The following PCDHGA6 variants were observed in gnomAD, a reference collection of about 807,000 sequenced individuals.
PCDHGA6 encodes the protein protocadherin gamma-A6.
In PCDHGA6, 41 loss-of-function variants were observed where a neutral mutation model predicts 60.6. The observed-to-expected ratio is 0.68, with a 90% CI of 0.53 to 0.88. PCDHGA6 has a LOEUF of 0.88. PCDHGA6 is among the 40% of genes least tolerant of loss of function. The pLI is 0.00. For synonymous variants in PCDHGA6, 594 were observed against 524.4 expected (o/e 1.13, Z -1.81); for missense variants, 1,312 against 1,203.0 (o/e 1.09, Z -1.34).
In PCDHGA6 at chr5:141,476,824, C is replaced by A; in HGVS notation, c.2425-17983C>A. On this transcript the variant is annotated intron_variant, in intron 1 of 3. Coordinates refer to ENST00000517434, the MANE Select transcript of PCDHGA6 (RefSeq NM_018919.3). This position sits in a 1 kb window ranked among gnomAD's most constrained non-coding sequence, Gnocchi z 7.6. Reference sequence around the variant, plus strand: ...TGCCTATTCACATCAAGGTGCTGGACGCGAATGACAATGCGCCTGTCTTCA... The same window carrying A: ...TGCCTATTCACATCAAGGTGCTGGAAGCGAATGACAATGCGCCTGTCTTCA... The A allele has an allele frequency of 1.2e-6, 2 of 1,613,588 alleles. No individual in the cohort carries two copies. The highest frequency in any genetic ancestry group is 1.7e-6 in the Non-Finnish European group (2 of 1,180,036).
Position 141,511,376 on chromosome 5 carries a change from G to C in PCDHGA6, c.*203G>C. ...CCAGGGGGTTGAATATGCAAAAGCA[G>C]TTCCGCTGGGAACCCCCATCCAATC... On this transcript the variant is annotated 3_prime_UTR_variant, in exon 4 of 4. Coordinates refer to ENST00000517434, the MANE Select transcript of PCDHGA6 (RefSeq NM_018919.3). 1 of 1,211,520 alleles carries C rather than the reference G, an allele frequency of 8.3e-7. No homozygotes were observed. The allele number at this position is 1,211,520 out of a possible 1,614,324, so 75.0% of individuals were successfully genotyped here.
chr5:141,461,088 G>A (rs2099008870), intron 1 of PCDHGA6, among the ~76,000 whole-genome samples: 1 of 151,800 alleles, frequency 6.6e-6, no homozygotes, highest in Non-Finnish European at 1.5e-5. Context: ...GAATTGTGCT[G>A]CTATAAACAT....
At chr5:141,383,865 A>C in intron 1 of PCDHGA6, 3 of 1,614,012 alleles carry the variant, frequency 1.9e-6, no homozygotes, top group Non-Finnish European at 2.5e-6. Context: ...TTCAGGCTCA[A>C]GATGGTCCTG....
At chr5:141,414,629 G>T in intron 1 of PCDHGA6, 1 of 1,614,000 alleles carries the variant, frequency 6.2e-7, no homozygotes. Context: ...GACCCGGACA[G>T]CAAAGAGAAT....
chr5:141,427,907 C>T, intron 1 of PCDHGA6: 1 of 1,575,688 alleles, frequency 6.3e-7, no homozygotes, highest in Non-Finnish European at 8.7e-7. Flanking sequence ...CCGCGCTCAG[C>T]GCCAACATGA....
At chr5:141,447,284 C>A (rs979564320) in intron 1 of PCDHGA6, among the ~76,000 whole-genome samples, 1 of 152,124 alleles carries the variant, frequency 6.6e-6, no homozygotes, top group African/African-American at 2.4e-5. Context: ...GGACTACAGG[C>A]ACATGCCACC....
chr5:141,468,039 A>G (rs1007212946), intron 1 of PCDHGA6, among the ~76,000 whole-genome samples: 21 of 152,262 alleles, frequency 1.4e-4, no homozygotes, highest in African/African-American at 5.1e-4. Context: ...CATTTAGAAA[A>G]CTAAGCCGGG....
intron 1 of PCDHGA6, chr5:141,475,820 C>G (rs890721743): frequency 1.1e-5 from 4 of 351,810 alleles, no homozygotes; most frequent in Non-Finnish European, 1.5e-5. Context: ...AAGTTCCTGG[C>G]GCTAGCGCGT....
rs1036126623 is a variant in PCDHGA6 at position 141,410,753 on chromosome 5, T to C, written c.2424+34246T>C. The stretch of plus-strand genomic sequence containing the variant: ...AGCTTTTTACAATATTTTCTCAATG[T>C]TTTTTCAATTATAGTTTTCACTATG... On this transcript the variant is annotated intron_variant, in intron 1 of 3. Coordinates refer to ENST00000517434, the MANE Select transcript of PCDHGA6 (RefSeq NM_018919.3). 2.4e-6 allele frequency: 3 copies of C among 1,229,812 alleles called. No homozygotes were observed. In the Admixed American group the frequency reaches 8.8e-5, roughly 36 times the overall value. The allele number at this position is 1,229,812 out of a possible 1,614,324, so 76.2% of individuals were successfully genotyped here. A position where few individuals can be genotyped will look rare whatever the true frequency, so the allele number is the denominator to read the frequency against.
In PCDHGA6 at chr5:141,454,796, A is replaced by ATTTT. The variant is rs61612330; in HGVS notation, c.2425-39985_2425-39982dup. Among the ~76,000 whole-genome samples, 123 of 77,452 alleles carry ATTTT rather than the reference A, an allele frequency of 1.6e-3. 16 individuals are homozygous for ATTTT. The highest frequency in any genetic ancestry group is 7.2e-3 in the South Asian group (14 of 1,958). 50.8% of individuals were successfully genotyped at this position (77,452 alleles called of 152,430 possible). On this transcript the variant is annotated intron_variant, in intron 1 of 3. Coordinates refer to ENST00000517434, the MANE Select transcript of PCDHGA6 (RefSeq NM_018919.3). ...AAGGAAATAATCCTCCATGGTTCTAATTTTTTTTTTTTTTTTTTTTTTTTT... is the reference window on the plus strand; with the variant it reads ...AAGGAAATAATCCTCCATGGTTCTAATTTTTTTTTTTTTTTTTTTTTTTTTTTTT...
At chr5:141,413,396 G>A in intron 1 of PCDHGA6, 1 of 1,614,060 alleles carries the variant, frequency 6.2e-7, no homozygotes, top group Non-Finnish European at 8.5e-7. Flanking sequence ...GTCTCCAGAG[G>A]TAGGACGCAG....
At chr5:141,455,360 A>C (rs2098820130) in intron 1 of PCDHGA6, among the ~76,000 whole-genome samples, 1 of 152,112 alleles carries the variant, frequency 6.6e-6, no homozygotes, top group Non-Finnish European at 1.5e-5. Context: ...TTAATAGGCA[A>C]GAAGGAAGGG....
At chr5:141,384,638 G>C in intron 1 of PCDHGA6, 1 of 1,614,188 alleles carries the variant, frequency 6.2e-7, no homozygotes, top group Non-Finnish European at 8.5e-7. Context: ...CTGGCACCCC[G>C]CTCCGCAGAG....
intron 3 of PCDHGA6, among the ~76,000 whole-genome samples, chr5:141,506,198 C>T (rs985517638): frequency 3.3e-5 from 5 of 152,156 alleles, no homozygotes; most frequent in Admixed American, 6.5e-5. Context: ...CGCCTGTAAT[C>T]CCAGCACTTT....
intron 1 of PCDHGA6, among the ~76,000 whole-genome samples, chr5:141,425,048 T>C (rs1590618422): frequency 6.6e-6 from 1 of 152,350 alleles, no homozygotes; most frequent in African/African-American, 2.4e-5. Flanking sequence ...AAACTGACTA[T>C]CTAGGGCTCG....
At chr5:141,379,313 A>G (rs1053297201) in intron 1 of PCDHGA6, 11 of 152,382 alleles carry the variant, frequency 7.2e-5, no homozygotes, top group Non-Finnish European at 1.5e-4. Flanking sequence ...CCTAAACAAG[A>G]GATCTAATCA....
intron 1 of PCDHGA6, among the ~76,000 whole-genome samples, chr5:141,447,978 C>T (rs759162070): frequency 1.1e-4 from 17 of 151,694 alleles, no homozygotes; most frequent in East Asian, 3.9e-4. Flanking sequence ...CCCAGCTACT[C>T]GGGAGGCTGA....
chr5:141,430,657 A>G (rs2097300740), intron 1 of PCDHGA6: 1 of 1,093,240 alleles, frequency 9.1e-7, no homozygotes, highest in African/African-American at 1.6e-5. Flanking sequence ...GAAACAACGG[A>G]GGAGCTCTGA....
intron 1 of PCDHGA6, chr5:141,398,054 A>C: frequency 1.3e-6 from 2 of 1,519,030 alleles, no homozygotes; most frequent in Non-Finnish European, 1.8e-6. Context: ...CGGAGATCCA[A>C]AAATCTACAA....
Sources: gnomAD v4.1 joint callset for allele counts (sites outside exome capture counted in the v4.1 genomes callset) on GRCh38, gnomAD v4.1.1 for gene constraint, Gnocchi (gnomAD v3.1) non-coding constraint, MANE v1.5 for transcripts, NCBI Gene and HGNC (gene_info 2026-07-23, HGNC 2026-07-21) for gene names.